Variants in EIF2AK2 observed in about 807,000 individuals in gnomAD.
The protein encoded by EIF2AK2 is eukaryotic translation initiation factor 2 alpha kinase 2.
Under a neutral mutation model 70.5 loss-of-function variants are expected in EIF2AK2, and 40 were observed. The ratio of observed to expected loss-of-function variants is 0.57; its 90% CI spans 0.44 to 0.74. The LOEUF (loss-of-function observed/expected upper bound fraction) is 0.74. EIF2AK2 is among the 30% of genes least tolerant of loss of function. The probability of loss-of-function intolerance (pLI) is 0.00; values close to 1 mark genes in which losing one functional copy is unlikely to be tolerated. For missense variants in EIF2AK2, 555 were observed against 644.3 expected (o/e 0.86, Z 1.50); for synonymous variants, 198 against 220.9 (o/e 0.90, Z 0.92).
chr2:37,131,240 C>T (rs548496224), intron 10 of EIF2AK2, among the ~76,000 whole-genome samples: 17 of 152,166 alleles, frequency 1.1e-4, no homozygotes, highest in Non-Finnish European at 2.2e-4. Flanking sequence ...TCCAAACCCC[C>T]TAAGACCTTT....
At chr2:37,137,741 A>G (rs1024658728) in intron 8 of EIF2AK2, among the ~76,000 whole-genome samples, 27 of 152,208 alleles carry the variant, frequency 1.8e-4, no homozygotes, top group African/African-American at 6.0e-4. Flanking sequence ...GGAATATACT[A>G]AAATATAAGG....
At chr2:37,139,511 T>G (rs1348811834) in intron 6 of EIF2AK2, 120 bp downstream of exon 6, 2 of 1,384,266 alleles carry the variant, frequency 1.4e-6, no homozygotes. Context: ...CGACACAGAA[T>G]GGAGGAATCA....
chr2:37,149,384 T>C (rs571863921), intron 1 of EIF2AK2: 4 of 533,534 alleles, frequency 7.5e-6, no homozygotes, highest in African/African-American at 1.9e-5. Flanking sequence ...TTAAGCTTGA[T>C]TGTCAAATGA....
intron 10 of EIF2AK2, among the ~76,000 whole-genome samples, chr2:37,128,263 T>G (rs1419829967): frequency 6.6e-6 from 1 of 152,212 alleles, no homozygotes; most frequent in African/African-American, 2.4e-5. Flanking sequence ...ACATTTCATT[T>G]TAAATCCAAA....
In EIF2AK2 at chr2:37,107,004, TGCACTCCA is replaced by T. The variant is rs1235021467; in HGVS notation, c.*261_*268del. The stretch of plus-strand genomic sequence containing the variant: ...TTGCAGTGAGCCAAGACTGTGTCAT[TGCACTCCA>T]GCCTGGGCAACAGAGCGAGACTCTG... On this transcript the variant is annotated 3_prime_UTR_variant, in exon 17 of 17. Transcript: ENST00000233057. The T allele has an allele frequency of 1.2e-5, 3 of 260,414 alleles. No individual in the cohort carries two copies. The highest frequency in any genetic ancestry group is 7.0e-5 in the African/African-American group (3 of 43,020). 16.1% of individuals were successfully genotyped at this position (260,414 alleles called of 1,614,324 possible). A position where few individuals can be genotyped will look rare whatever the true frequency, so the allele number is the denominator to read the frequency against.
At chr2:37,155,648 T>G (rs1326041090) in intron 1 of EIF2AK2, among the ~76,000 whole-genome samples, 1 of 152,194 alleles carries the variant, frequency 6.6e-6, no homozygotes, top group Non-Finnish European at 1.5e-5. Flanking sequence ...GGAAGAAACC[T>G]CCATCATAAT....
intron 8 of EIF2AK2, 128 bp downstream of exon 8, chr2:37,138,142 T>A (rs1388616689): frequency 4.7e-6 from 3 of 642,126 alleles, no homozygotes; most frequent in Non-Finnish European, 7.5e-6. Context: ...ACTGAGGTAT[T>A]ATCATTTAGT....
chr2:37,126,271 T>G lies in EIF2AK2; in HGVS notation c.908+18A>C. 1.3e-6 allele frequency: 2 copies of G among 1,561,560 alleles called. No homozygotes were observed. Among genetic ancestry groups the G allele is most frequent in the Non-Finnish European group, 1.7e-6 (2 of 1,153,942 alleles). The stretch of plus-strand genomic sequence containing the variant: ...GCGTACCTTGCCATTCAAAAAAATG[T>G]AAACATTTACTACTTACTCGTTATT... On this transcript the variant is annotated intron_variant, in intron 11 of 16. Coordinates refer to ENST00000233057, the MANE Select transcript of EIF2AK2 (RefSeq NM_001135651.3).
Position 37,119,946 on chromosome 2 carries a change from A to C in EIF2AK2, c.1248+13T>G. Reference sequence around the variant, plus strand: ...ATATATATATCAATTAATAAAGTACATTTTCCACTTACCTTAAGATCTCTA... The same window carrying C: ...ATATATATATCAATTAATAAAGTACCTTTTCCACTTACCTTAAGATCTCTA... On this transcript the variant is annotated intron_variant, in intron 13 of 16. Coordinates refer to ENST00000233057, the MANE Select transcript of EIF2AK2 (RefSeq NM_001135651.3). 3.7e-6 allele frequency: 5 copies of C among 1,343,222 alleles called. No homozygotes were observed. The highest frequency in any genetic ancestry group is 4.9e-6 in the Non-Finnish European group (5 of 1,020,130). 83.2% of individuals were successfully genotyped at this position (1,343,222 alleles called of 1,614,324 possible).
chr2:37,109,260 G>C lies in EIF2AK2; in HGVS notation c.1413C>G (p.Leu471=), dbSNP rs2307469. The change falls in exon 15 of 17, where the codon CTC becomes CTG. Residue 471 remains leucine, a synonymous_variant. Transcript: ENST00000233057. The part of the protein sequence containing the change: ...SSQDYGKEVD[L]YALGLILAEL... Reference sequence around the variant, plus strand: ...CAGCAAGAATTAGCCCCAAAGCGTAGAGGTCCACTTCCTTTCCATAGTCTT... The same window carrying C: ...CAGCAAGAATTAGCCCCAAAGCGTACAGGTCCACTTCCTTTCCATAGTCTT... The C allele has an allele frequency of 0.031, 49,491 of 1,613,908 alleles. 844 individuals carry two copies. Among genetic ancestry groups the C allele is most frequent in the Middle Eastern group, 0.04 (243 of 6,062 alleles).
chr2:37,114,212 A>G (rs1195519667), intron 14 of EIF2AK2, among the ~76,000 whole-genome samples: 2 of 152,146 alleles, frequency 1.3e-5, no homozygotes, highest in Non-Finnish European at 2.9e-5. Context: ...AGGTGGGAAG[A>G]TTGCTTGAGC....
intron 4 of EIF2AK2, among the ~76,000 whole-genome samples, chr2:37,145,124 T>C (rs1675482474): frequency 6.6e-6 from 1 of 151,494 alleles, no homozygotes; most frequent in Non-Finnish European, 1.5e-5. Context: ...ACTATGTGTT[T>C]GTTTGTGGTT....
In EIF2AK2 at chr2:37,102,877, G is replaced by A. The variant is rs1222230532; in HGVS notation, c.*4396C>T. 6.6e-6 allele frequency: 1 copy of A among 152,100 alleles called. No homozygotes were observed. Among genetic ancestry groups the A allele is most frequent in the Admixed American group, 6.5e-5 (1 of 15,268 alleles). 9.4% of individuals were successfully genotyped at this position (152,100 alleles called of 1,614,324 possible). On this transcript the variant is annotated 3_prime_UTR_variant, in exon 17 of 17. Transcript: ENST00000233057. ...TTTAACATAAGTGTTAAGTATGCAT[G>A]TGAATTTTATGTATGTATTTATGTT...
intron 1 of EIF2AK2, among the ~76,000 whole-genome samples, chr2:37,151,724 A>T (rs1558432977): frequency 6.6e-6 from 1 of 152,192 alleles, no homozygotes; most frequent in East Asian, 1.9e-4. Context: ...CAAAATGTGA[A>T]ATATATCTAC....
chr2:37,128,868 G>C (rs964505407), intron 10 of EIF2AK2, among the ~76,000 whole-genome samples: 11 of 152,132 alleles, frequency 7.2e-5, no homozygotes, highest in African/African-American at 2.4e-4. Context: ...CTCCTCACGG[G>C]CATGGACAAA....
intron 1 of EIF2AK2, among the ~76,000 whole-genome samples, chr2:37,152,992 C>T (rs750695245): frequency 6.6e-6 from 1 of 152,186 alleles, no homozygotes; most frequent in Non-Finnish European, 1.5e-5. Context: ...CAAAATCTTT[C>T]TACTTCTCAA....
At chr2:37,140,173 G>A (rs1170696485) in intron 5 of EIF2AK2, among the ~76,000 whole-genome samples, 1 of 152,156 alleles carries the variant, frequency 6.6e-6, no homozygotes, top group East Asian at 1.9e-4. Context: ...CACAGGAGAA[G>A]CTATGAGGTT....
intron 13 of EIF2AK2, among the ~76,000 whole-genome samples, chr2:37,116,482 G>A (rs970226330): frequency 6.6e-6 from 1 of 152,146 alleles, no homozygotes; most frequent in African/African-American, 2.4e-5. Context: ...ACAATCTTAG[G>A]CTAAACACAC....
At chr2:37,146,464 C>G (rs760457074) in intron 4 of EIF2AK2, among the ~76,000 whole-genome samples, 1 of 152,206 alleles carries the variant, frequency 6.6e-6, no homozygotes, top group Non-Finnish European at 1.5e-5. Flanking sequence ...AGTGAGTGAC[C>G]ACTGTACATT....
Sources: gnomAD v4.1 joint callset for allele counts (sites outside exome capture counted in the v4.1 genomes callset) on GRCh38, gnomAD v4.1.1 for gene constraint, MANE v1.5 for transcripts, NCBI Gene and HGNC (gene_info 2026-07-23, HGNC 2026-07-21) for gene names.